Variants in PCDHGB3 observed in about 807,000 individuals in gnomAD.
PCDHGB3 encodes the protein protocadherin gamma-B3.
PCDHGB3 carries 40 observed loss-of-function variants against 59.2 expected under a neutral mutation model. That is an observed-to-expected ratio of 0.68 (90% confidence interval 0.52 to 0.88). PCDHGB3 has a LOEUF of 0.88. Ranked by LOEUF, PCDHGB3 falls within the 40% of genes least tolerant of loss-of-function variation. The probability of loss-of-function intolerance (pLI) is 0.00; values close to 1 mark genes in which losing one functional copy is unlikely to be tolerated. For missense variants in PCDHGB3, 1,309 were observed against 1,187.9 expected (o/e 1.10, Z -1.50); for synonymous variants, 581 against 503.6 (o/e 1.15, Z -2.06).
chr5:141,404,271 T>A, intron 1 of PCDHGB3: 1 of 1,614,000 alleles, frequency 6.2e-7, no homozygotes, highest in Non-Finnish European at 8.5e-7. Flanking sequence ...CACATCACCC[T>A]GCAAGTGACT....
intron 2 of PCDHGB3, among the ~76,000 whole-genome samples, chr5:141,497,661 T>A (rs1485909952): frequency 3.3e-5 from 5 of 151,062 alleles, no homozygotes; most frequent in African/African-American, 4.9e-5. Context: ...TGCCTCAGCC[T>A]CCCGAGTAGC....
intron 1 of PCDHGB3, among the ~76,000 whole-genome samples, chr5:141,435,219 C>A (rs1226171884): frequency 6.6e-6 from 1 of 152,118 alleles, no homozygotes; most frequent in Non-Finnish European, 1.5e-5. Flanking sequence ...AATTTACTTT[C>A]TTTCAAAGTT....
In PCDHGB3 at chr5:141,417,986, A is replaced by G. The variant is rs777967345; in HGVS notation, c.2415+45177A>G. On this transcript the variant is annotated intron_variant, in intron 1 of 3. Coordinates refer to ENST00000576222, the MANE Select transcript of PCDHGB3 (RefSeq NM_018924.5). ...CTACTCGATTCCGGAGGAGCTGGCC[A>G]AGGGCTCGGTGGTGGGGAACCTCGC... The G allele has an allele frequency of 9.9e-6, 16 of 1,613,490 alleles. No individual in the cohort carries two copies. Among genetic ancestry groups the G allele is most frequent in the Non-Finnish European group, 1.4e-5 (16 of 1,179,718 alleles).
At chr5:141,430,084 A>G (rs538721051) in intron 1 of PCDHGB3, among the ~76,000 whole-genome samples, 2 of 152,292 alleles carry the variant, frequency 1.3e-5, no homozygotes, top group Admixed American at 1.3e-4. Context: ...AATATCATGA[A>G]AATTTGATTT....
Position 141,407,403 on chromosome 5 carries a change from A to G in PCDHGB3, c.2415+34594A>G, listed in dbSNP as rs964260933. 2.0e-5 allele frequency among the ~76,000 whole-genome samples: 3 copies of G among 152,220 alleles called. No individual in the cohort carries two copies. In the East Asian group the frequency reaches 5.8e-4, roughly 29 times the overall value. Reference sequence around the variant, plus strand: ...TTGTATGTCATGGTAGGTAGTTACTATTCGATACCACAAAAATGTCTCTTG... The same window carrying G: ...TTGTATGTCATGGTAGGTAGTTACTGTTCGATACCACAAAAATGTCTCTTG... On this transcript the variant is annotated intron_variant, in intron 1 of 3. Transcript: ENST00000576222.
chr5:141,492,220 C>T (rs1388948434), intron 1 of PCDHGB3, among the ~76,000 whole-genome samples: 2 of 152,190 alleles, frequency 1.3e-5, no homozygotes, highest in Non-Finnish European at 1.5e-5. Context: ...GGGGCTCATG[C>T]GTGTCCTCCC....
intron 1 of PCDHGB3, chr5:141,419,932 C>T: frequency 6.2e-7 from 1 of 1,614,090 alleles, no homozygotes; most frequent in Non-Finnish European, 8.5e-7. Flanking sequence ...TGCAGTTTTA[C>T]CTGGTGGTGG....
rs768907590 is a variant in PCDHGB3, at chr5:141,422,045, G to C, written c.2415+49236G>C. Reference sequence around the variant, plus strand: ...GTTAATGCAACGGATCCAGACGAGGGAATCAACGGGGAAGTAATGTATTCA... The same window carrying C: ...GTTAATGCAACGGATCCAGACGAGGCAATCAACGGGGAAGTAATGTATTCA... On this transcript the variant is annotated intron_variant, in intron 1 of 3. Transcript: ENST00000576222. 1.5e-5 allele frequency: 24 copies of C among 1,611,434 alleles called. No individual in the cohort carries two copies. The Admixed American group carries it at 3.9e-4, about 26-fold the overall frequency.
chr5:141,394,608 G>A lies in PCDHGB3; in HGVS notation c.2415+21799G>A, dbSNP rs749049825. 15 of 1,613,420 alleles carry A rather than the reference G, an allele frequency of 9.3e-6. No homozygotes were observed. The African/African-American group carries it at 1.9e-4, about 20-fold the overall frequency. ...GGTGGTGGCGGTGGACAGAGACTCGGGCCAGAACGCCTGGCTGTCCTACCG... is the reference window on the plus strand; with the variant it reads ...GGTGGTGGCGGTGGACAGAGACTCGAGCCAGAACGCCTGGCTGTCCTACCG... On this transcript the variant is annotated intron_variant, in intron 1 of 3. Transcript: ENST00000576222.
chr5:141,432,949 C>A lies in PCDHGB3; in HGVS notation c.2415+60140C>A, dbSNP rs764998032. ...CACGCCTGCTGCAGGCTTCAGGAGG[C>A]GGCTTGACAGGAGCGCCGGCGTCGC... On this transcript the variant is annotated intron_variant, in intron 1 of 3. Transcript: ENST00000576222. This position sits in a 1 kb window ranked among gnomAD's most constrained non-coding sequence, Gnocchi z 6.0. The A allele has an allele frequency of 1.9e-6, 3 of 1,614,184 alleles. No homozygotes were observed. The highest frequency in any genetic ancestry group is 2.5e-6 in the Non-Finnish European group (3 of 1,180,040).
At position 141,476,396 on chromosome 5, in the gene PCDHGB3, C is replaced by A; in HGVS notation, c.2416-18411C>A. The A allele has an allele frequency of 6.2e-7, 1 of 1,614,032 alleles. No homozygotes were observed. Among genetic ancestry groups the A allele is most frequent in the Non-Finnish European group, 8.5e-7 (1 of 1,180,020 alleles). Reference sequence around the variant, plus strand: ...GATGTTTGTGAACGACCGTCTGGATCGAGAGGAGCTGTGTGGGACACTGCC... The same window carrying A: ...GATGTTTGTGAACGACCGTCTGGATAGAGAGGAGCTGTGTGGGACACTGCC... On this transcript the variant is annotated intron_variant, in intron 1 of 3. Transcript: ENST00000576222. The surrounding 1 kb of genome is among the most constrained non-coding windows in gnomAD (Gnocchi z 7.6).
rs980122657 is a variant in PCDHGB3, at chr5:141,511,379, C to G, written c.*206C>G. The G allele has an allele frequency of 2.9e-5, 34 of 1,169,842 alleles. No individual in the cohort carries two copies. The highest frequency in any genetic ancestry group is 3.9e-5 in the Non-Finnish European group (33 of 853,834). The allele number at this position is 1,169,842 out of a possible 1,614,324, so 72.5% of individuals were successfully genotyped here. ...GGGGGTTGAATATGCAAAAGCAGTT[C>G]CGCTGGGAACCCCCATCCAATCAAC... On this transcript the variant is annotated 3_prime_UTR_variant, in exon 4 of 4. Transcript: ENST00000576222.
Position 141,413,864 on chromosome 5 carries a change from T to C in PCDHGB3, c.2415+41055T>C. 3 of 1,613,398 alleles carry C rather than the reference T, an allele frequency of 1.9e-6. No homozygotes were observed. The Admixed American group carries it at 5.0e-5, about 27-fold the overall frequency. ...GGTGACCCTCTCCGATCTGGCACTG[T>C]CCTTGTCAGTGTGACTGTCTTCGAT... On this transcript the variant is annotated intron_variant, in intron 1 of 3. Transcript: ENST00000576222.
chr5:141,439,629 A>G (rs1262264623), intron 1 of PCDHGB3, among the ~76,000 whole-genome samples: 1 of 152,208 alleles, frequency 6.6e-6, no homozygotes, highest in East Asian at 1.9e-4. Flanking sequence ...CAATCCCCAG[A>G]CATTCCGGCT....
At position 141,491,952 on chromosome 5, in the gene PCDHGB3, C is replaced by A; in HGVS notation, c.2416-2855C>A. 9.4e-7 allele frequency: 1 copy of A among 1,062,954 alleles called. No homozygotes were observed. The allele number at this position is 1,062,954 out of a possible 1,614,324, so 65.8% of individuals were successfully genotyped here. On this transcript the variant is annotated intron_variant, in intron 1 of 3. Coordinates refer to ENST00000576222, the MANE Select transcript of PCDHGB3 (RefSeq NM_018924.5). The surrounding 1 kb of genome is among the most constrained non-coding windows in gnomAD (Gnocchi z 6.9). ...GGTGGGACCGACCCCCACCCCTACA[C>A]TCAAAAAAGGCCGGGGCCTCCTTCG...
intron 1 of PCDHGB3, chr5:141,422,211 C>G: frequency 6.4e-7 from 1 of 1,563,286 alleles, no homozygotes; most frequent in Non-Finnish European, 8.6e-7. Context: ...GTGGAGGTCT[C>G]TTTACCACCA....
At chr5:141,444,002 C>T (rs2098413409) in intron 1 of PCDHGB3, among the ~76,000 whole-genome samples, 1 of 151,918 alleles carries the variant, frequency 6.6e-6, no homozygotes, top group African/African-American at 2.4e-5. Flanking sequence ...TAAATGCTAC[C>T]TGGGTATTGG....
In PCDHGB3 at chr5:141,371,108, C is replaced by T. The variant is rs754711722; in HGVS notation, c.714C>T (p.Asn238=). 6.2e-7 allele frequency: 1 copy of T among 1,613,760 alleles called. No individual in the cohort carries two copies. The highest frequency in any genetic ancestry group is 1.3e-5 in the African/African-American group (1 of 75,058). The change falls in exon 1 of 4, where the codon AAC becomes AAT. Residue 238 remains asparagine, a synonymous_variant. Transcript: ENST00000576222. ...TAATTGTCGCAGATGCAAATGATAA[C>T]CCCCCAGTATTTACTCAGGACATGT... is the stretch of plus-strand genomic sequence containing the variant. ...IRVIVADAND[N]PPVFTQDMYR...
chr5:141,464,824 G>A (rs1329087889), intron 1 of PCDHGB3, among the ~76,000 whole-genome samples: 2 of 151,816 alleles, frequency 1.3e-5, no homozygotes, highest in African/African-American at 2.4e-5. Context: ...CTGTAGCCTC[G>A]CACTCCTGGG....
Sources: allele counts gnomAD v4.1 joint callset (sites outside exome capture counted in the v4.1 genomes callset), GRCh38; gene constraint gnomAD v4.1.1; non-coding constraint Gnocchi (gnomAD v3.1); transcripts MANE v1.5; gene names NCBI Gene and HGNC (gene_info 2026-07-23, HGNC 2026-07-21).